CPEB3: variants seen among roughly 807,000 people sequenced by gnomAD.
CPEB3 encodes the protein cytoplasmic polyadenylation element binding protein 3.
Under a neutral mutation model 67.2 loss-of-function variants are expected in CPEB3, and 20 were observed. The ratio of observed to expected loss-of-function variants is 0.30; its 90% CI spans 0.21 to 0.43. The LOEUF (loss-of-function observed/expected upper bound fraction) is 0.43. CPEB3 is among the 20% of genes least tolerant of loss of function. The pLI is 1.00. For missense variants in CPEB3, 746 were observed against 968.6 expected, an observed-to-expected ratio of 0.77 and a Z score of 3.05; for synonymous variants, 376 against 393.1, an observed-to-expected ratio of 0.96 and a Z score of 0.51.
At chr10:92,111,257 T>C in intron 6 of CPEB3, 63 bp from the exon 7 acceptor site, 2 of 1,046,236 alleles carry the variant, frequency 1.9e-6, no homozygotes, top group East Asian at 2.4e-5. Flanking sequence ...AAAGTACCAA[T>C]TACAAATTAT....
At chr10:92,100,635 A>G (rs1435992269) in intron 7 of CPEB3, among the ~76,000 whole-genome samples, 1 of 151,878 alleles carries the variant, frequency 6.6e-6, no homozygotes, top group East Asian at 1.9e-4. Flanking sequence ...TCTGTAGCCC[A>G]GGCTAGAGTG....
At chr10:92,111,407 G>C (rs1844734493) in intron 6 of CPEB3, among the ~76,000 whole-genome samples, 1 of 152,160 alleles carries the variant, frequency 6.6e-6, no homozygotes, top group Admixed American at 6.5e-5. Context: ...AGCAAGTTTA[G>C]AACACATCTA....
chr10:92,131,152 T>A (rs1273507676), intron 6 of CPEB3, among the ~76,000 whole-genome samples: 2 of 152,138 alleles, frequency 1.3e-5, no homozygotes, highest in African/African-American at 4.8e-5. Flanking sequence ...AAGAAGGCAA[T>A]CTGCTCTCTG....
intron 6 of CPEB3, among the ~76,000 whole-genome samples, chr10:92,122,560 C>A (rs1326685570): frequency 1.3e-5 from 2 of 152,190 alleles, no homozygotes; most frequent in African/African-American, 4.8e-5. Flanking sequence ...CTATCATGAG[C>A]AAATTCTTGT....
chr10:92,279,262 T>C (rs1200420880), intron 1 of CPEB3, among the ~76,000 whole-genome samples: 4 of 152,218 alleles, frequency 2.6e-5, no homozygotes, highest in South Asian at 2.1e-4. Context: ...CAAGCTGCAA[T>C]TGGAAATAAC....
intron 9 of CPEB3, among the ~76,000 whole-genome samples, chr10:92,069,377 A>C (rs1356377392): frequency 6.6e-6 from 1 of 152,186 alleles, no homozygotes; most frequent in Non-Finnish European, 1.5e-5. Context: ...AGAACATGCT[A>C]CTCAAAGCAA....
At position 92,111,146 on chromosome 10, in the gene CPEB3, A is replaced by T; in HGVS notation, c.1502T>A (p.Ile501Lys). The change falls in exon 7 of 10, where the codon ATA (isoleucine) becomes AAA (lysine). Residue 501 changes from isoleucine to lysine, a missense_variant. Coordinates refer to ENST00000265997, the MANE Select transcript of CPEB3 (RefSeq NM_014912.5). The stretch of plus-strand genomic sequence containing the variant: ...CCCATCTTCTTCTAGGCAGGCATCT[A>T]TCAAAGCTTGTACTGAGCTTTCCTC... ...FQEESSVQAL[I>K]DACLEEDGKL... 6.2e-7 allele frequency: 1 copy of T among 1,614,226 alleles called. No individual in the cohort carries two copies. Among genetic ancestry groups the T allele is most frequent in the Non-Finnish European group, 8.5e-7 (1 of 1,180,030 alleles).
intron 1 of CPEB3, among the ~76,000 whole-genome samples, chr10:92,288,046 A>G (rs1372979222): frequency 1.3e-5 from 2 of 152,204 alleles, no homozygotes; most frequent in Non-Finnish European, 2.9e-5. Context: ...ATGTTATAGC[A>G]TGTATCATAA....
At chr10:92,240,488 C>T (rs1265014913) in intron 1 of CPEB3, 127 bp from the exon 2 acceptor site, 10 of 873,186 alleles carry the variant, frequency 1.1e-5, no homozygotes, top group African/African-American at 1.7e-5. Flanking sequence ...AATGCAAATC[C>T]ATAATCTCCC....
intron 2 of CPEB3, among the ~76,000 whole-genome samples, chr10:92,238,418 T>C (rs529026559): frequency 1.2e-4 from 19 of 152,306 alleles, no homozygotes; most frequent in African/African-American, 4.1e-4. Flanking sequence ...GAGTTTTTCA[T>C]TGGCATTTAA....
chr10:92,243,446 T>C (rs1486232888), intron 1 of CPEB3, among the ~76,000 whole-genome samples: 1 of 152,152 alleles, frequency 6.6e-6, no homozygotes, highest in Non-Finnish European at 1.5e-5. Context: ...CTAACCAATC[T>C]AAATCACGAG....
intron 7 of CPEB3, among the ~76,000 whole-genome samples, chr10:92,096,335 A>T (rs1469857604): frequency 6.6e-6 from 1 of 152,172 alleles, no homozygotes; most frequent in Non-Finnish European, 1.5e-5. Context: ...ACGTCATTTT[A>T]TGTAAGGGAC....
intron 2 of CPEB3, among the ~76,000 whole-genome samples, chr10:92,219,418 C>T (rs1347291427): frequency 1.3e-5 from 2 of 152,160 alleles, no homozygotes; most frequent in African/African-American, 4.8e-5. Context: ...CAGAATATGT[C>T]ACCTCAACCC....
rs1564735217 is a variant in CPEB3, at chr10:92,046,974, AAAGTT to A, written c.*5233_*5237del. ...AGAGATCCTAGCTGTGAACACTCTA[AAAGTT>A]AAGTCCATTATTTTGACAGCAAAAA... On this transcript the variant is annotated 3_prime_UTR_variant, in exon 10 of 10. Transcript: ENST00000265997. The A allele has an allele frequency of 6.6e-6, 1 of 152,242 alleles. No individual in the cohort carries two copies. The highest frequency in any genetic ancestry group is 1.5e-5 in the Non-Finnish European group (1 of 68,046). 9.4% of individuals were successfully genotyped at this position (152,242 alleles called of 1,614,324 possible).
intron 1 of CPEB3, among the ~76,000 whole-genome samples, chr10:92,288,943 A>G (rs1842664518): frequency 6.6e-6 from 1 of 152,156 alleles, no homozygotes; most frequent in Non-Finnish European, 1.5e-5. Context: ...AAAAATAATA[A>G]TTTAAAATGT....
intron 7 of CPEB3, among the ~76,000 whole-genome samples, chr10:92,098,762 C>CTT (rs930685926): frequency 7.0e-6 from 1 of 142,038 alleles, no homozygotes; most frequent in African/African-American, 2.7e-5. Flanking sequence ...AACTATTTTT[C>CTT]TTTTTTTCTT....
rs564766384 is a variant in CPEB3 at position 92,240,123 on chromosome 10, C to G, written c.228G>C (p.Pro76=). ...GATGGAAACTCAAGCCTGGCAGGAG[C>G]GGTGATTCCATCTGCATCTTGTCCG... is the stretch of plus-strand genomic sequence containing the variant. ...NGPDKMQMES[P]LLPGLSFHQP... Residue 76 remains proline (P), a synonymous_variant, in exon 2 of 10, where the codon CCG becomes CCC. Transcript: ENST00000265997. 2.9e-5 allele frequency: 46 copies of G among 1,573,674 alleles called. No homozygotes were observed. Among genetic ancestry groups the G allele is most frequent in the Non-Finnish European group, 3.6e-5 (42 of 1,159,252 alleles).
At chr10:92,052,637 A>G (rs79767544) in intron 9 of CPEB3, among the ~76,000 whole-genome samples, 198 bp from the exon 10 acceptor site, 1 of 152,340 alleles carries the variant, frequency 6.6e-6, no homozygotes, top group African/African-American at 2.4e-5. Context: ...ATATTAGACA[A>G]ATTCTTAAAA....
intron 2 of CPEB3, among the ~76,000 whole-genome samples, chr10:92,219,009 T>C (rs541028626): frequency 1.3e-5 from 2 of 152,194 alleles, no homozygotes; most frequent in African/African-American, 2.4e-5. Flanking sequence ...ATTAATAATA[T>C]GTGCAATGCA....
Sources: gnomAD v4.1 joint callset for allele counts (sites outside exome capture counted in the v4.1 genomes callset) on GRCh38, gnomAD v4.1.1 for gene constraint, MANE v1.5 for transcripts, NCBI Gene and HGNC (gene_info 2026-07-23, HGNC 2026-07-21) for gene names.